The following FKBP5 variants were observed in gnomAD, a reference collection of about 807,000 sequenced individuals.
FKBP5 encodes FKBP prolyl isomerase 5.
Under a neutral mutation model 50.5 loss-of-function variants are expected in FKBP5, and 23 were observed. The ratio of observed to expected loss-of-function variants is 0.46; its 90% CI spans 0.33 to 0.65. The LOEUF (loss-of-function observed/expected upper bound fraction) is 0.65. Ranked by LOEUF, FKBP5 falls within the 30% of genes least tolerant of loss-of-function variation. FKBP5 has a pLI of 0.02. For synonymous variants in FKBP5, 176 were observed against 190.6 expected, an observed-to-expected ratio of 0.92 and a Z score of 0.63; for missense variants, 411 against 553.1, an observed-to-expected ratio of 0.74 and a Z score of 2.58.
intron 6 of FKBP5, among the ~76,000 whole-genome samples, chr6:35,593,461 G>A (rs552540528): frequency 2.0e-5 from 3 of 152,294 alleles, no homozygotes; most frequent in Non-Finnish European, 4.4e-5. Flanking sequence ...GGTAGAGCCA[G>A]GTTTAAATTC....
At chr6:35,625,044 G>A (rs943717425) in intron 3 of FKBP5, among the ~76,000 whole-genome samples, 5 of 152,104 alleles carry the variant, frequency 3.3e-5, no homozygotes, top group African/African-American at 1.2e-4. Context: ...CATTTCCTTA[G>A]GTTAAATTCC....
At chr6:35,613,736 A>G (rs1473578790) in intron 5 of FKBP5, among the ~76,000 whole-genome samples, 5 of 152,248 alleles carry the variant, frequency 3.3e-5, no homozygotes, top group Admixed American at 6.5e-5. Flanking sequence ...ATGAAAGTAT[A>G]ACACAATAAA....
At chr6:35,610,511 T>C (rs1192819531) in intron 5 of FKBP5, among the ~76,000 whole-genome samples, 5 of 121,596 alleles carry the variant, frequency 4.1e-5, no homozygotes, top group Non-Finnish European at 7.8e-5. Context: ...GAGCTTGCAG[T>C]GAGCCAAGAC....
Position 35,674,698 on chromosome 6 carries a change from G to C in FKBP5, c.-20+14106C>G, listed in dbSNP as rs528135200. 7.2e-4 allele frequency among the ~76,000 whole-genome samples: 109 copies of C among 152,340 alleles called. 1 individual carries two copies. In the South Asian group the frequency reaches 0.022, roughly 30 times the overall value. On this transcript the variant is annotated intron_variant, in intron 1 of 10. Transcript: ENST00000357266. ...ATTCTCTCAACAATCCTAGGCGAGA[G>C]ATCACGTCACTTGCTTAAGATGACA...
intron 7 of FKBP5, 74 bp downstream of exon 7, chr6:35,591,051 CTAAGA>C: frequency 4.3e-6 from 4 of 922,382 alleles, no homozygotes; most frequent in Non-Finnish European, 6.9e-6. Flanking sequence ...ATACCACCTA[CTAAGA>C]TAAGATACTG....
chr6:35,589,151 C>G (rs1435302649), intron 7 of FKBP5, among the ~76,000 whole-genome samples: 4 of 133,372 alleles, frequency 3.0e-5, no homozygotes, highest in African/African-American at 1.2e-4. Context: ...TCCTCTGAGA[C>G]GGAGTCTTGC....
At position 35,632,582 on chromosome 6, in the gene FKBP5, A is replaced by C. The variant is rs960515999; in HGVS notation, c.250+4432T>G. ...ATAACCTTAGATGAAGAAAGTAAAG[A>C]ATAGAGTTTAAAAGATGGTACGGCT... On this transcript the variant is annotated intron_variant, in intron 3 of 10. Transcript: ENST00000357266. Among the ~76,000 whole-genome samples the C allele has an allele frequency of 2.6e-5, 4 of 152,040 alleles. 1 individual carries two copies. The highest frequency in any genetic ancestry group is 2.6e-4 in the Admixed American group (4 of 15,262).
At chr6:35,683,554 C>T (rs1204259894) in intron 1 of FKBP5, among the ~76,000 whole-genome samples, 1 of 151,814 alleles carries the variant, frequency 6.6e-6, no homozygotes, top group Admixed American at 6.6e-5. Context: ...CAACCTCCAC[C>T]TCCCAGGTTC....
At chr6:35,589,827 ATGTT>A (rs1281725495) in intron 7 of FKBP5, among the ~76,000 whole-genome samples, 1 of 152,156 alleles carries the variant, frequency 6.6e-6, no homozygotes, top group Non-Finnish European at 1.5e-5. Context: ...AACCAGACAT[ATGTT>A]TGTTTGGGGG....
At chr6:35,654,044 C>T (rs1162048792) in intron 1 of FKBP5, among the ~76,000 whole-genome samples, 1 of 152,184 alleles carries the variant, frequency 6.6e-6, no homozygotes, top group East Asian at 1.9e-4. Flanking sequence ...TGGGTTCCAT[C>T]CCCAAGATAC....
At chr6:35,700,354 G>A (rs558506069) in intron 2 of FKBP5, among the ~76,000 whole-genome samples, 2 of 152,096 alleles carry the variant, frequency 1.3e-5, no homozygotes, top group South Asian at 4.2e-4. Context: ...CCTTCTTAAG[G>A]CTTAAGCCAG....
At chr6:35,580,257 C>T in intron 8 of FKBP5, 36 bp from the exon 9 acceptor site, 1 of 1,529,126 alleles carries the variant, frequency 6.5e-7, no homozygotes, top group African/African-American at 1.4e-5. Flanking sequence ...GTACTCAGCT[C>T]TTGAGGGGGT....
chr6:35,640,901 T>G (rs1764466364), intron 2 of FKBP5, among the ~76,000 whole-genome samples: 1 of 152,184 alleles, frequency 6.6e-6, no homozygotes, highest in Non-Finnish European at 1.5e-5. Flanking sequence ...GACAGTAACA[T>G]GCATGGAGCT....
chr6:35,616,193 T>C (rs1156613531), intron 5 of FKBP5, among the ~76,000 whole-genome samples: 1 of 151,530 alleles, frequency 6.6e-6, no homozygotes, highest in Admixed American at 6.6e-5. Flanking sequence ...CGTGCGCCTA[T>C]AGTCCCAGCT....
In FKBP5 at chr6:35,706,424, C is replaced by CA. The variant is rs71002595; in HGVS notation, c.-20+13903dup. 7.6e-3 allele frequency among the ~76,000 whole-genome samples: 792 copies of CA among 103,690 alleles called. 9 individuals are homozygous for CA. The highest frequency in any genetic ancestry group is 0.036 in the East Asian group (143 of 3,926). The allele number at this position is 103,690 out of a possible 152,430, so 68.0% of individuals were successfully genotyped here. A position where few individuals can be genotyped will look rare whatever the true frequency, so the allele number is the denominator to read the frequency against. On this transcript the variant is annotated intron_variant, in intron 2 of 11. Coordinates refer to the FKBP5 transcript ENST00000536438. Reference sequence around the variant, plus strand: ...GGGCAACAAGAGTGAAACTCTGTCTCAAAAAAAAAAAAAAAAAAGAAAAGA... The same window carrying CA: ...GGGCAACAAGAGTGAAACTCTGTCTCAAAAAAAAAAAAAAAAAAAGAAAAGA...
At chr6:35,654,073 G>C (rs1764884578) in intron 1 of FKBP5, among the ~76,000 whole-genome samples, 1 of 152,084 alleles carries the variant, frequency 6.6e-6, no homozygotes, top group Non-Finnish European at 1.5e-5. Context: ...ATGTATACAT[G>C]TATGTGCATA....
At position 35,642,621 on chromosome 6, in the gene FKBP5, T is replaced by C. The variant is rs184431002; in HGVS notation, c.105+99A>G. ...TCTAGTGTTTGGCACTTAGTAACCA[T>C]CAATAAACATTATCCACCCCAGCCC... is the stretch of plus-strand genomic sequence containing the variant. On this transcript the variant is annotated intron_variant, in intron 2 of 10. Transcript: ENST00000357266. The C allele has an allele frequency of 1.1e-4, 88 of 837,062 alleles. 2 individuals are homozygous for C. The highest frequency in any genetic ancestry group is 1.0e-3 in the African/African-American group (61 of 58,232). The allele number at this position is 837,062 out of a possible 1,614,324, so 51.9% of individuals were successfully genotyped here. A position where few individuals can be genotyped will look rare whatever the true frequency, so the allele number is the denominator to read the frequency against.
rs1265314834 is a variant in FKBP5 at position 35,580,043 on chromosome 6, C to T, written c.1019G>A (p.Cys340Tyr). The T allele has an allele frequency of 6.2e-7, 1 of 1,613,496 alleles. No individual in the cohort carries two copies. Among genetic ancestry groups the T allele is most frequent in the African/African-American group, 1.3e-5 (1 of 75,034 alleles). ...CAGGAGACACGATGTTACCTTGTCACAGCATTCAACAGCTTTGGTGTATTC... is the reference window on the plus strand; with the variant it reads ...CAGGAGACACGATGTTACCTTGTCATAGCATTCAACAGCTTTGGTGTATTC... ...LREYTKAVEC[C>Y]DKALGLDSAN... The change falls in exon 9 of 11, where the codon TGT becomes TAT. Residue 340 changes from cysteine (C) to tyrosine (Y), a missense_variant. Physicochemically the swap from Cys to Tyr is radical, Grantham distance 194. Around this residue, in one of 3 missense-constraint regions of FKBP5, gnomAD observed 267 missense variants for 405.9 expected, o/e 0.66. Coordinates refer to ENST00000357266, the MANE Select transcript of FKBP5 (RefSeq NM_004117.4).
chr6:35,609,432 T>TA (rs780408080), intron 5 of FKBP5, among the ~76,000 whole-genome samples: 39 of 152,320 alleles, frequency 2.6e-4, no homozygotes, highest in Admixed American at 1.9e-3. Context: ...CCTTTGTACA[T>TA]AGCTTGTTCT....
Sources: gnomAD v4.1 joint callset for allele counts (sites outside exome capture counted in the v4.1 genomes callset) on GRCh38, gnomAD v4.1.1 for gene constraint, gnomAD v4.1.1 regional missense constraint, MANE v1.5 for transcripts, NCBI Gene and HGNC (gene_info 2026-07-23, HGNC 2026-07-21) for gene names.